The following IDUA variants were observed in gnomAD, a reference collection of about 807,000 sequenced individuals.
The protein encoded by IDUA is alpha-L-iduronidase, also known as iduronidase alpha-L-.
A neutral mutation model predicts 68.9 loss-of-function variants in IDUA; 65 were observed. The ratio of observed to expected loss-of-function variants is 0.94; its 90% CI spans 0.77 to 1.16. The LOEUF (loss-of-function observed/expected upper bound fraction) is 1.16, where lower values mean the gene tolerates loss of function less well. Ranked by LOEUF, IDUA falls within the 50% of genes most tolerant of loss-of-function variation. The probability of loss-of-function intolerance (pLI) is 0.00; values close to 1 mark genes in which losing one functional copy is unlikely to be tolerated. For missense variants in IDUA, 1,046 were observed against 938.0 expected, an observed-to-expected ratio of 1.12 and a Z score of -1.50; for synonymous variants, 529 against 433.6, an observed-to-expected ratio of 1.22 and a Z score of -2.73.
At chr4:991,000 C>A in intron 2 of IDUA, 1 of 978,736 alleles carries the variant, frequency 1.0e-6, no homozygotes. Context: ...TCTGCCCAAG[C>A]CTTGCTGTCT....
chr4:987,294 G>A, intron 1 of IDUA, 52 bp downstream of exon 1: 1 of 1,481,060 alleles, frequency 6.8e-7, no homozygotes, highest in Non-Finnish European at 9.0e-7. Flanking sequence ...GAGAGCTCGG[G>A]CGCCCCCTGA....
chr4:1,004,165 G>C lies in IDUA; in HGVS notation c.1828+53G>C, dbSNP rs959374141. ...TCGGCCACCCCATTCTTGGGCCTCAGGGCAGTACTGGGTGGGGGCCTCGAG... is the reference window on the plus strand; with the variant it reads ...TCGGCCACCCCATTCTTGGGCCTCACGGCAGTACTGGGTGGGGGCCTCGAG... On this transcript the variant is annotated intron_variant, in intron 13 of 13. Coordinates refer to ENST00000514224, the MANE Select transcript of IDUA (RefSeq NM_000203.5). This position sits in a 1 kb window ranked among gnomAD's most constrained non-coding sequence, Gnocchi z 5.0. 4.3e-6 allele frequency: 7 copies of C among 1,611,608 alleles called. No homozygotes were observed. The highest frequency in any genetic ancestry group is 5.9e-6 in the Non-Finnish European group (7 of 1,179,092).
chr4:1,002,028 C>T lies in IDUA; in HGVS notation c.839C>T (p.Ala280Val), dbSNP rs1715115080. ...ATCCTGGAGCAGGAGAAGGTCGTCG[C>T]GCAGCAGATCCGGCAGCTCTTCCCC... ...ISILEQEKVVAQQIRQLFPKF... is the reference protein window; with the variant it reads ...ISILEQEKVVVQQIRQLFPKF... The change falls in exon 7 of 14, where the codon GCG (alanine) becomes GTG (valine). Residue 280 changes from alanine to valine, a missense_variant. Coordinates refer to ENST00000514224, the MANE Select transcript of IDUA (RefSeq NM_000203.5). The T allele has an allele frequency of 1.9e-6, 3 of 1,598,276 alleles. No individual in the cohort carries two copies. Among genetic ancestry groups the T allele is most frequent in the Non-Finnish European group, 2.6e-6 (3 of 1,174,108 alleles).
intron 2 of IDUA, chr4:990,847 C>T (rs1158030007): frequency 3.4e-5 from 16 of 476,740 alleles, no homozygotes; most frequent in South Asian, 2.7e-4. Context: ...CAGTCCAGCA[C>T]CACTGAGCCA....
At position 1,001,998 on chromosome 4, in the gene IDUA, T is replaced by C; in HGVS notation, c.809T>C (p.Ile270Thr). 2 of 1,590,008 alleles carry C rather than the reference T, an allele frequency of 1.3e-6. No homozygotes were observed. The highest frequency in any genetic ancestry group is 1.7e-6 in the Non-Finnish European group (2 of 1,170,160). ...CGCCCGCAGGGTGCGCGCAGCTCCA[T>C]CTCCATCCTGGAGCAGGAGAAGGTC... ...SLHRKGARSSISILEQEKVVA... is the reference protein window; with the variant it reads ...SLHRKGARSSTSILEQEKVVA... Residue 270 changes from isoleucine to threonine, a missense_variant, in exon 7 of 14, where the codon ATC becomes ACC. By Grantham distance (89) the Ile-to-Thr change is moderately conservative (BLOSUM62 -1). Coordinates refer to ENST00000514224, the MANE Select transcript of IDUA (RefSeq NM_000203.5).
intron 2 of IDUA, among the ~76,000 whole-genome samples, chr4:996,185 A>G (rs1220586609): frequency 1.3e-5 from 2 of 152,204 alleles, no homozygotes; most frequent in Non-Finnish European, 2.9e-5. Context: ...TTTGCTCAGC[A>G]GTTGGGAGCT....
chr4:1,003,355 C>A lies in IDUA; in HGVS notation c.1535C>A (p.Ala512Asp). Residue 512 changes from alanine (A) to aspartate (D), a missense_variant, in exon 11 of 14, where the codon GCC becomes GAC. Coordinates refer to ENST00000514224, the MANE Select transcript of IDUA (RefSeq NM_000203.5). ...RRMRAAEDPVAAAPRPLPAGG... is the reference protein window; with the variant it reads ...RRMRAAEDPVDAAPRPLPAGG... ...GGCCACTGCGCCCAGGACCCGGTGG[C>A]CGCGGCGCCCCGCCCCTTACCCGCC... 6.9e-7 allele frequency: 1 copy of A among 1,457,348 alleles called. No individual in the cohort carries two copies. The highest frequency in any genetic ancestry group is 9.0e-7 in the Non-Finnish European group (1 of 1,114,502). 90.3% of individuals were successfully genotyped at this position (1,457,348 alleles called of 1,614,324 possible).
chr4:992,047 G>A (rs898807307), intron 2 of IDUA: 13 of 576,100 alleles, frequency 2.3e-5, no homozygotes, highest in Non-Finnish European at 4.3e-5. Flanking sequence ...CCGGCCTATT[G>A]GCTCTGCGGT....
intron 2 of IDUA, chr4:992,259 A>C (rs548043291): frequency 6.6e-6 from 3 of 454,662 alleles, no homozygotes; most frequent in East Asian, 7.0e-5. Context: ...TGTCCACCCC[A>C]TGCCCACACC....
At chr4:993,630 C>CT (rs1168500819) in intron 2 of IDUA, among the ~76,000 whole-genome samples, 1 of 149,252 alleles carries the variant, frequency 6.7e-6, no homozygotes, top group Non-Finnish European at 1.5e-5. Context: ...TGCGGCCCTG[C>CT]CGGGGGGGCT....
chr4:999,283 T>A (rs553644262), intron 2 of IDUA, among the ~76,000 whole-genome samples: 3 of 152,090 alleles, frequency 2.0e-5, no homozygotes, highest in Non-Finnish European at 1.5e-5. Context: ...TGTTTCGCTC[T>A]GGGTCAGGGT....
chr4:1,003,319 C>T, intron 10 of IDUA, 26 bp from the exon 11 acceptor site: 2 of 1,436,780 alleles, frequency 1.4e-6, no homozygotes, highest in Non-Finnish European at 1.8e-6. Flanking sequence ...CCCTGGAGAA[C>T]CCTGAGGACC....
intron 2 of IDUA, chr4:988,719 C>T: frequency 2.1e-6 from 3 of 1,423,344 alleles, no homozygotes; most frequent in Non-Finnish European, 2.7e-6. Context: ...AGCTGTGGCA[C>T]AAGAGTGCAG....
At chr4:997,909 T>TC (rs1055456069) in intron 2 of IDUA, among the ~76,000 whole-genome samples, 20 of 151,934 alleles carry the variant, frequency 1.3e-4, no homozygotes, top group African/African-American at 4.1e-4. Flanking sequence ...ATGCTGGGGC[T>TC]CCCCCCGCTA....
At chr4:993,602 C>T (rs550858020) in intron 2 of IDUA, among the ~76,000 whole-genome samples, 4 of 152,210 alleles carry the variant, frequency 2.6e-5, no homozygotes, top group East Asian at 1.9e-4. Context: ...CTCCCAGGAG[C>T]CGCTGCAGCT....
At position 1,002,456 on chromosome 4, in the gene IDUA, T is replaced by G; in HGVS notation, c.1160T>G (p.Leu387Arg). 2 of 1,554,876 alleles carry G rather than the reference T, an allele frequency of 1.3e-6. No individual in the cohort carries two copies. Among genetic ancestry groups the G allele is most frequent in the Non-Finnish European group, 1.7e-6 (2 of 1,150,350 alleles). Residue 387 changes from leucine (L) to arginine (R), a missense_variant, in exon 8 of 14, where the codon CTC becomes CGC. Leu to Arg is a moderately radical substitution (Grantham distance 102). Transcript: ENST00000514224. Reference sequence around the variant, plus strand: ...GTGCAGCTGTTGCGCAAGCCGGTGCTCACGGCCATGGGGCTGCTGGCGCTG... The same window carrying G: ...GTGCAGCTGTTGCGCAAGCCGGTGCGCACGGCCATGGGGCTGCTGGCGCTG... ...PHVQLLRKPV[L>R]TAMGLLALLD...
At position 1,004,327 on chromosome 4, in the gene IDUA, C is replaced by A. The variant is rs1299387902; in HGVS notation, c.1896C>A (p.Phe632Leu). ...ALDYWARPGP[F>L]SDPVPYLEVP... ...ACTACTGGGCCCGACCAGGCCCCTTCTCGGACCCTGTGCCGTACCTGGAGG... is the reference window on the plus strand; with the variant it reads ...ACTACTGGGCCCGACCAGGCCCCTTATCGGACCCTGTGCCGTACCTGGAGG... The change falls in exon 14 of 14, where the codon TTC (phenylalanine) becomes TTA (leucine). Residue 632 changes from phenylalanine (F) to leucine (L), a missense_variant. Phe to Leu is a conservative substitution (Grantham distance 22). Coordinates refer to ENST00000514224, the MANE Select transcript of IDUA (RefSeq NM_000203.5). This position sits in a 1 kb window ranked among gnomAD's most constrained non-coding sequence, Gnocchi z 5.0. 2 of 1,611,842 alleles carry A rather than the reference C, an allele frequency of 1.2e-6. No homozygotes were observed.
rs1577544315 is a variant in IDUA, at chr4:1,003,587, G to A, written c.1689G>A (p.Gln563=). 1 of 1,612,446 alleles carries A rather than the reference G, an allele frequency of 6.2e-7. No individual in the cohort carries two copies. Among genetic ancestry groups the A allele is most frequent in the Admixed American group, 1.7e-5 (1 of 60,016 alleles). The change falls in exon 12 of 14, where the codon CAG becomes CAA. Residue 563 remains glutamine, a synonymous_variant. Coordinates refer to ENST00000514224, the MANE Select transcript of IDUA (RefSeq NM_000203.5). ...RLRALPLTQG[Q]LVLVWSDEHV... The stretch of plus-strand genomic sequence containing the variant: ...GCGCCCTGCCCCTGACCCAAGGGCA[G>A]CTGGTTCTGGTCTGGTCGGATGAAC...
At chr4:996,706 G>A (rs966005846) in intron 2 of IDUA, among the ~76,000 whole-genome samples, 1 of 152,212 alleles carries the variant, frequency 6.6e-6, no homozygotes, top group Non-Finnish European at 1.5e-5. Context: ...CTTGGGGCCT[G>A]ACCTGCCCCC....
Sources: gnomAD v4.1 joint callset for allele counts (sites outside exome capture counted in the v4.1 genomes callset) on GRCh38, gnomAD v4.1.1 for gene constraint, Gnocchi (gnomAD v3.1) non-coding constraint, MANE v1.5 for transcripts, NCBI Gene and HGNC (gene_info 2026-07-23, HGNC 2026-07-21) for gene names.